CUL5: variants seen among roughly 807,000 people sequenced by gnomAD.
CUL5 encodes the protein cullin 5.
Under a neutral mutation model 108.8 loss-of-function variants are expected in CUL5, and 26 were observed. That is an observed-to-expected ratio of 0.24 (90% CI 0.18 to 0.33). CUL5 has a LOEUF of 0.33. Among genes scored for constraint, CUL5 ranks in the 10% least tolerant of loss-of-function variants. The pLI is 1.00. For missense variants in CUL5, 524 were observed against 909.2 expected, an observed-to-expected ratio of 0.58 and a Z score of 5.45; for synonymous variants, 334 against 298.0, an observed-to-expected ratio of 1.12 and a Z score of -1.25.
rs564908875 is a variant in CUL5, at chr11:108,054,518, T to C, written c.554-129T>C. ...TCTTATGGAGAAGGATTTTGTCTTATATAATTATATGTTCTCTTGAGCATT... is the reference window on the plus strand; with the variant it reads ...TCTTATGGAGAAGGATTTTGTCTTACATAATTATATGTTCTCTTGAGCATT... On this transcript the variant is annotated intron_variant, in intron 5 of 18. Transcript: ENST00000393094. The C allele has an allele frequency of 2.2e-4, 133 of 613,572 alleles. 1 individual carries two copies. In the South Asian group the frequency reaches 3.1e-3, roughly 14 times the overall value. 38.0% of individuals were successfully genotyped at this position (613,572 alleles called of 1,614,324 possible).
At chr11:108,048,648 CTTTTTTTTTTT>C (rs200991204) in intron 3 of CUL5, among the ~76,000 whole-genome samples, 22 of 116,862 alleles carry the variant, frequency 1.9e-4, no homozygotes, top group South Asian at 2.7e-4. Context: ...ACTCCACCAC[CTTTTTTTTTTT>C]TTTTTTTTTT....
intron 11 of CUL5, among the ~76,000 whole-genome samples, chr11:108,087,196 A>G (rs1864240038): frequency 6.6e-6 from 1 of 152,210 alleles, no homozygotes; most frequent in Non-Finnish European, 1.5e-5. Flanking sequence ...ATTTATACAA[A>G]TAAAAGAAAT....
At chr11:108,092,320 G>A (rs7111660) in intron 13 of CUL5, among the ~76,000 whole-genome samples, 152,199 of 152,344 alleles carry the variant, frequency 1, 76,027 homozygotes, top group Non-Finnish European at 1. Flanking sequence ...AATGTTGAAC[G>A]TAGAGCTGAC....
Position 108,054,898 on chromosome 11 carries a change from A to G in CUL5, c.723A>G (p.Glu241=). The G allele has an allele frequency of 2.5e-6, 4 of 1,609,048 alleles. No homozygotes were observed. Among genetic ancestry groups the G allele is most frequent in the Non-Finnish European group, 3.4e-6 (4 of 1,178,830 alleles). Residue 241 remains glutamate, a synonymous_variant, in exon 7 of 19, where the codon GAA becomes GAG. Transcript: ENST00000393094. ...MKYADAKLKE[E]EKRALRYLET... is the part of the protein sequence containing the mutation. ...AGGCAGATGCTAAATTAAAAGAAGA[A>G]GAAAAACGAGCACTACGTTATTTAG...
chr11:108,016,844 G>T (rs1210472265), intron 1 of CUL5, among the ~76,000 whole-genome samples: 1 of 152,196 alleles, frequency 6.6e-6, no homozygotes, highest in East Asian at 1.9e-4. Context: ...TTAAAACTTT[G>T]GTCAGAGGCT....
At chr11:108,012,772 T>A (rs1418972559) in intron 1 of CUL5, among the ~76,000 whole-genome samples, 1 of 152,054 alleles carries the variant, frequency 6.6e-6, no homozygotes, top group Non-Finnish European at 1.5e-5. Flanking sequence ...TATTTTTGTA[T>A]TTTTAGTAGA....
rs1215607551 is a variant in CUL5 at position 108,094,468 on chromosome 11, C to T, written c.1521C>T (p.Asn507=). 1 of 1,544,970 alleles carries T rather than the reference C, an allele frequency of 6.5e-7. No individual in the cohort carries two copies. Among genetic ancestry groups the T allele is most frequent in the Non-Finnish European group, 8.8e-7 (1 of 1,130,706 alleles). ...ACATAAAAGTATCTGAAGATTTGAACCAAGCTTTTAAGGAAATGCACAAAA... is the reference window on the plus strand; with the variant it reads ...ACATAAAAGTATCTGAAGATTTGAATCAAGCTTTTAAGGAAATGCACAAAA... ...FQDIKVSEDL[N]QAFKEMHKNN... The change falls in exon 14 of 19, where the codon AAC becomes AAT. Residue 507 remains asparagine (N), a synonymous_variant. Transcript: ENST00000393094.
chr11:108,014,009 CTT>C (rs1044193871), intron 1 of CUL5, among the ~76,000 whole-genome samples: 1 of 152,184 alleles, frequency 6.6e-6, no homozygotes, highest in African/African-American at 2.4e-5. Flanking sequence ...TGTCCATGCT[CTT>C]TGGGAATTTA....
intron 18 of CUL5, among the ~76,000 whole-genome samples, chr11:108,101,086 A>G (rs963179456): frequency 9.9e-5 from 15 of 152,234 alleles, no homozygotes; most frequent in African/African-American, 3.6e-4. Flanking sequence ...GTGCAGAGAA[A>G]TTGAAGTTCT....
intron 2 of CUL5, among the ~76,000 whole-genome samples, chr11:108,044,997 A>G (rs1332600424): frequency 6.6e-6 from 1 of 152,060 alleles, no homozygotes; most frequent in East Asian, 1.9e-4. Flanking sequence ...TCCTGACCTC[A>G]AGTGATCTGC....
At chr11:108,061,892 C>A (rs1187905088) in intron 7 of CUL5, among the ~76,000 whole-genome samples, 7 of 145,476 alleles carry the variant, frequency 4.8e-5, no homozygotes, top group Admixed American at 1.3e-4. Flanking sequence ...TATGTGGCAG[C>A]AGGAGAGAGA....
At chr11:108,080,151 A>G (rs964992103) in intron 11 of CUL5, among the ~76,000 whole-genome samples, 1 of 104,056 alleles carries the variant, frequency 9.6e-6, no homozygotes, top group East Asian at 2.6e-4. Context: ...ATTTTCCTTT[A>G]TGAAGGGTGA....
In CUL5 at chr11:108,095,653, A is replaced by G. The variant is rs1864472069; in HGVS notation, c.1867A>G (p.Thr623Ala). 2 of 1,614,070 alleles carry G rather than the reference A, an allele frequency of 1.2e-6. No individual in the cohort carries two copies. The highest frequency in any genetic ancestry group is 2.2e-5 in the South Asian group (2 of 91,064). Residue 623 changes from threonine (T) to alanine (A), a missense_variant, in exon 16 of 19, where the codon ACT (threonine) becomes GCT (alanine). Physicochemically the swap from Thr to Ala is moderately conservative, Grantham distance 58. This residue lies in a region of CUL5 where 64 missense variants were observed against 152.0 expected (regional missense o/e 0.42). Transcript: ENST00000393094. ...CAGCTTTGAAAATCTTAAGCTTGCA[A>G]CTGAACTCCCTGATGCTGAACTTAG... Reference protein sequence around the residue: ...KISFENLKLATELPDAELRRT... With the variant: ...KISFENLKLAAELPDAELRRT...
intron 1 of CUL5, among the ~76,000 whole-genome samples, chr11:108,009,701 T>A (rs1449467696): frequency 2.0e-5 from 3 of 152,204 alleles, no homozygotes; most frequent in Admixed American, 6.5e-5. Context: ...CCGTTAGTAC[T>A]GTTAGGTCTC....
At chr11:108,040,799 G>A (rs557127081) in intron 2 of CUL5, among the ~76,000 whole-genome samples, 57 of 152,012 alleles carry the variant, frequency 3.7e-4, no homozygotes, top group Non-Finnish European at 7.1e-4. Context: ...AAAGTACATT[G>A]AGAACATTCT....
At chr11:108,078,009 T>C (rs1477129482) in intron 10 of CUL5, among the ~76,000 whole-genome samples, 167 bp from the exon 11 acceptor site, 1 of 152,144 alleles carries the variant, frequency 6.6e-6, no homozygotes, top group Admixed American at 6.6e-5. Flanking sequence ...TTGATAATTA[T>C]AATATGACAA....
At position 108,032,591 on chromosome 11, in the gene CUL5, C is replaced by G. The variant is rs539023303; in HGVS notation, c.25-1211C>G. 2.7e-3 allele frequency among the ~76,000 whole-genome samples: 405 copies of G among 152,238 alleles called. 2 individuals are homozygous for G. Among genetic ancestry groups the G allele is most frequent in the African/African-American group, 8.9e-3 (371 of 41,542 alleles). ...ACTAACACATATGGGGTCTCTCTCT[C>G]TCTCTCTCTCTGTTTTTGGCAATGT... On this transcript the variant is annotated intron_variant, in intron 1 of 18. Transcript: ENST00000393094.
chr11:108,051,663 C>T (rs987397253), intron 4 of CUL5, among the ~76,000 whole-genome samples: 1 of 152,148 alleles, frequency 6.6e-6, no homozygotes, highest in African/African-American at 2.4e-5. Context: ...TTTAATGGAA[C>T]ATCTAAACAG....
At chr11:108,043,948 AGGAGGC>A (rs1863001078) in intron 2 of CUL5, among the ~76,000 whole-genome samples, 1 of 152,032 alleles carries the variant, frequency 6.6e-6, no homozygotes. Context: ...ATTTGAACCC[AGGAGGC>A]GGAGGTTGCA....
Sources: allele counts gnomAD v4.1 joint callset (sites outside exome capture counted in the v4.1 genomes callset), GRCh38; gene constraint gnomAD v4.1.1; regional missense constraint gnomAD v4.1.1; transcripts MANE v1.5; gene names NCBI Gene and HGNC (gene_info 2026-07-23, HGNC 2026-07-21).